The following SLC16A7 variants were observed in gnomAD, a reference collection of about 807,000 sequenced individuals.
SLC16A7 encodes the protein monocarboxylate transporter 2.
In SLC16A7, 33 loss-of-function variants were observed where a neutral mutation model predicts 34.9. That is an observed-to-expected ratio of 0.94 (90% CI 0.72 to 1.26). The LOEUF is 1.26. Ranked by LOEUF, SLC16A7 falls within the 50% of genes most tolerant of loss-of-function variation. SLC16A7 has a pLI of 0.00. For synonymous variants in SLC16A7, 201 were observed against 206.6 expected (o/e 0.97, Z 0.23); for missense variants, 573 against 578.1 (o/e 0.99, Z 0.09).
chr12:59,729,408 C>T (rs555436914), intron 3 of SLC16A7, among the ~76,000 whole-genome samples: 89 of 152,298 alleles, frequency 5.8e-4, no homozygotes, highest in African/African-American at 2.0e-3. Flanking sequence ...CTCTCTGTTT[C>T]GGTTTCCCTG....
chr12:59,648,043 G>C (rs1382229802), intron 1 of SLC16A7, among the ~76,000 whole-genome samples: 3 of 152,130 alleles, frequency 2.0e-5, no homozygotes, highest in Non-Finnish European at 1.5e-5. Flanking sequence ...GACAGAGTGA[G>C]ACCTTGTCTC....
intron 2 of SLC16A7, among the ~76,000 whole-genome samples, chr12:59,683,561 G>T (rs1422591514): frequency 1.3e-5 from 2 of 152,194 alleles, no homozygotes; most frequent in African/African-American, 4.8e-5. Context: ...GGGTTTTTCA[G>T]ATTAGGAACT....
intron 2 of SLC16A7, among the ~76,000 whole-genome samples, chr12:59,697,937 A>G (rs1027521415): frequency 3.3e-5 from 5 of 151,810 alleles, no homozygotes; most frequent in Admixed American, 2.6e-4. Context: ...ATTATATGCT[A>G]ATAACTATAC....
chr12:59,644,958 A>G (rs1447137646), intron 1 of SLC16A7, among the ~76,000 whole-genome samples: 1 of 152,236 alleles, frequency 6.6e-6, no homozygotes, highest in Non-Finnish European at 1.5e-5. Flanking sequence ...ATGAAATCCA[A>G]TATCATAATT....
intron 3 of SLC16A7, among the ~76,000 whole-genome samples, chr12:59,754,174 C>A (rs978763789): frequency 1.3e-5 from 2 of 152,008 alleles, no homozygotes; most frequent in Non-Finnish European, 2.9e-5. Flanking sequence ...AAAATTGACA[C>A]CCTAACATAT....
chr12:59,725,055 G>A (rs1427018699), intron 3 of SLC16A7, among the ~76,000 whole-genome samples: 1 of 151,674 alleles, frequency 6.6e-6, no homozygotes, highest in Non-Finnish European at 1.5e-5. Flanking sequence ...ATTGTTGCAT[G>A]AATGCTTTCC....
At chr12:59,747,296 T>G (rs1227413766) in intron 3 of SLC16A7, among the ~76,000 whole-genome samples, 2 of 152,238 alleles carry the variant, frequency 1.3e-5, no homozygotes, top group Non-Finnish European at 2.9e-5. Flanking sequence ...ATAAAGTTAT[T>G]ATGTTGTACA....
At chr12:59,738,627 C>G (rs557615548) in intron 3 of SLC16A7, among the ~76,000 whole-genome samples, 1 of 152,220 alleles carries the variant, frequency 6.6e-6, no homozygotes, top group South Asian at 2.1e-4. Flanking sequence ...GACTCTTTAT[C>G]TTAACAAGGG....
At chr12:59,619,372 C>T (rs944626177) in intron 1 of SLC16A7, among the ~76,000 whole-genome samples, 48 of 152,030 alleles carry the variant, frequency 3.2e-4, no homozygotes, top group African/African-American at 9.9e-4. Flanking sequence ...AGTGATTATC[C>T]GGTTTCAATT....
chr12:59,758,486 A>G (rs1880651055), intron 3 of SLC16A7, among the ~76,000 whole-genome samples: 1 of 152,118 alleles, frequency 6.6e-6, no homozygotes, highest in Admixed American at 6.6e-5. Context: ...AACAGATAGC[A>G]TAATTATTAT....
In SLC16A7 at chr12:59,734,090, G is replaced by T. The variant is rs920144049; in HGVS notation, c.217+29072G>T. The T allele has an allele frequency of 1.2e-5, 3 of 240,586 alleles. No individual in the cohort carries two copies. In the Admixed American group the frequency reaches 1.5e-4, roughly 12 times the overall value. 14.9% of individuals were successfully genotyped at this position (240,586 alleles called of 1,614,324 possible). A position where few individuals can be genotyped will look rare whatever the true frequency, so the allele number is the denominator to read the frequency against. On this transcript the variant is annotated intron_variant, in intron 3 of 5. Coordinates refer to ENST00000547379, the MANE Select transcript of SLC16A7 (RefSeq NM_001270623.2). ...CAGTCTGACCCCCAGGCCTCAGGCTGTCTCTGGATTAAAGGTGGGGTTTCA... is the reference window on the plus strand; with the variant it reads ...CAGTCTGACCCCCAGGCCTCAGGCTTTCTCTGGATTAAAGGTGGGGTTTCA...
At chr12:59,742,166 C>A (rs1878422087) in intron 3 of SLC16A7, among the ~76,000 whole-genome samples, 1 of 152,160 alleles carries the variant, frequency 6.6e-6, no homozygotes, top group Admixed American at 6.5e-5. Flanking sequence ...TAGGAAGTTG[C>A]ACACATGTGC....
intron 1 of SLC16A7, among the ~76,000 whole-genome samples, chr12:59,650,293 A>G (rs1868320465): frequency 1.3e-5 from 2 of 152,166 alleles, no homozygotes; most frequent in African/African-American, 4.8e-5. Context: ...AATTCTAAGC[A>G]TACAATTCAT....
intron 1 of SLC16A7, among the ~76,000 whole-genome samples, chr12:59,633,989 T>C (rs1206290574): frequency 2.0e-5 from 3 of 152,068 alleles, no homozygotes. Context: ...TTGTGCTGTA[T>C]ATTGTATTTG....
At chr12:59,733,896 C>T in intron 3 of SLC16A7, 1 of 449,186 alleles carries the variant, frequency 2.2e-6, no homozygotes, top group Non-Finnish European at 4.5e-6. Flanking sequence ...GTGGGTATCT[C>T]CTTCCCACAG....
intron 1 of SLC16A7, among the ~76,000 whole-genome samples, chr12:59,639,600 T>C (rs1565627871): frequency 6.6e-6 from 1 of 152,068 alleles, no homozygotes; most frequent in Non-Finnish European, 1.5e-5. Context: ...TTGCCCAAGT[T>C]AGTCTCAACT....
chr12:59,683,479 AAG>A (rs1306292367), intron 2 of SLC16A7, among the ~76,000 whole-genome samples: 1 of 152,180 alleles, frequency 6.6e-6, no homozygotes, highest in African/African-American at 2.4e-5. Context: ...CATGATGATC[AAG>A]AGAGAAATGA....
rs114781657 is a variant in SLC16A7, at chr12:59,735,467, C to A, written c.217+30449C>A. On this transcript the variant is annotated intron_variant, in intron 3 of 5. Transcript: ENST00000547379. Reference sequence around the variant, plus strand: ...ATTTTGAATTTATGATGCATTGCAGCCATTAGTAGTAAGCTGCTTTACATC... The same window carrying A: ...ATTTTGAATTTATGATGCATTGCAGACATTAGTAGTAAGCTGCTTTACATC... Among the ~76,000 whole-genome samples the A allele has an allele frequency of 7.2e-3, 1,089 of 152,174 alleles. 17 individuals carry two copies. The highest frequency in any genetic ancestry group is 0.022 in the African/African-American group (904 of 41,504).
At chr12:59,693,038 G>A (rs1028182160) in intron 2 of SLC16A7, among the ~76,000 whole-genome samples, 2 of 151,846 alleles carry the variant, frequency 1.3e-5, no homozygotes, top group South Asian at 4.1e-4. Flanking sequence ...CAAAAAACCA[G>A]ACAATTATTC....
Sources: allele counts gnomAD v4.1 joint callset (sites outside exome capture counted in the v4.1 genomes callset), GRCh38; gene constraint gnomAD v4.1.1; transcripts MANE v1.5; gene names NCBI Gene and HGNC (gene_info 2026-07-23, HGNC 2026-07-21).